The following AGO2 variants were observed in gnomAD, a reference collection of about 807,000 sequenced individuals.
AGO2 encodes the protein protein argonaute-2.
In AGO2, 5 loss-of-function variants were observed where a neutral mutation model predicts 102.3. That is an observed-to-expected ratio of 0.05 (90% CI 0.03 to 0.10). The LOEUF (loss-of-function observed/expected upper bound fraction) is 0.10. AGO2 is among the 10% of genes least tolerant of loss of function. AGO2 has a pLI of 1.00. For synonymous variants in AGO2, 449 were observed against 473.1 expected, an observed-to-expected ratio of 0.95 and a Z score of 0.66; for missense variants, 541 against 1,183.7, an observed-to-expected ratio of 0.46 and a Z score of 7.97.
chr8:140,576,220 G>A (rs1414572160), intron 2 of AGO2, among the ~76,000 whole-genome samples: 4 of 152,078 alleles, frequency 2.6e-5, no homozygotes, highest in South Asian at 2.1e-4. Context: ...AGACTGAGGC[G>A]GGAGAATCGT....
chr8:140,551,564 T>C (rs2072995947), intron 10 of AGO2, 128 bp from the exon 11 acceptor site: 2 of 1,075,600 alleles, frequency 1.9e-6, no homozygotes, highest in Non-Finnish European at 2.4e-6. Context: ...ACTTTTGTGT[T>C]GTCTCCTGTC....
At chr8:140,542,238 G>C (rs949600914) in intron 14 of AGO2, among the ~76,000 whole-genome samples, 1 of 152,164 alleles carries the variant, frequency 6.6e-6, no homozygotes, top group Non-Finnish European at 1.5e-5. Context: ...TCTGGCTGCG[G>C]AAGGAAAGGT....
At chr8:140,578,987 C>T (rs1369618431) in intron 2 of AGO2, among the ~76,000 whole-genome samples, 1 of 152,226 alleles carries the variant, frequency 6.6e-6, no homozygotes, top group Non-Finnish European at 1.5e-5. Context: ...TTAATACATT[C>T]TCACCAAAAG....
intron 1 of AGO2, among the ~76,000 whole-genome samples, chr8:140,597,932 C>T (rs1261935846): frequency 6.6e-6 from 1 of 152,248 alleles, no homozygotes; most frequent in Non-Finnish European, 1.5e-5. Flanking sequence ...ATGACCCTGC[C>T]CACCAGGGGC....
chr8:140,613,057 A>G (rs2074100576), intron 1 of AGO2, among the ~76,000 whole-genome samples: 2 of 151,778 alleles, frequency 1.3e-5, no homozygotes, highest in South Asian at 4.2e-4. Flanking sequence ...ATAATTAGCC[A>G]GGTGTGGTGG....
At position 140,547,473 on chromosome 8, in the gene AGO2, C is replaced by T; in HGVS notation, c.1743G>A (p.Gln581=). The T allele has an allele frequency of 6.2e-7, 1 of 1,613,842 alleles. No individual in the cohort carries two copies. The highest frequency in any genetic ancestry group is 8.5e-7 in the Non-Finnish European group (1 of 1,179,806). The change falls in exon 13 of 19, where the codon CAG becomes CAA. Residue 581 remains glutamine (Q), a synonymous_variant. Coordinates refer to ENST00000220592, the MANE Select transcript of AGO2 (RefSeq NM_012154.5). ...LGGVNNILLP[Q]GRPPVFQQPV... ...GTAAAGGGGCCGGGCCTCACCTGCC[C>T]TGGGGCAGCAGGATGTTGTTCACGC...
At chr8:140,599,903 G>A (rs368945184) in intron 1 of AGO2, among the ~76,000 whole-genome samples, 21 of 152,128 alleles carry the variant, frequency 1.4e-4, no homozygotes, top group African/African-American at 3.6e-4. Flanking sequence ...TGTATTTTTC[G>A]CAGAGATGGG....
At chr8:140,532,775 T>C in intron 17 of AGO2, 160 bp from the exon 18 acceptor site, 2 of 722,996 alleles carry the variant, frequency 2.8e-6, no homozygotes, top group East Asian at 2.8e-5. Context: ...GGCGGGCAGA[T>C]CACGCGGTCA....
intron 11 of AGO2, among the ~76,000 whole-genome samples, chr8:140,550,225 G>A (rs2132908064): frequency 6.6e-6 from 1 of 152,378 alleles, no homozygotes; most frequent in South Asian, 2.1e-4. Context: ...CGTCAGCTCT[G>A]AGGGCCATGC....
At chr8:140,537,971 A>AC (rs1392652531) in intron 16 of AGO2, among the ~76,000 whole-genome samples, 2 of 152,018 alleles carry the variant, frequency 1.3e-5, no homozygotes, top group Non-Finnish European at 2.9e-5. Flanking sequence ...GGCGCCCGCC[A>AC]CCACGCCTGG....
At chr8:140,609,978 G>C (rs1488549177) in intron 1 of AGO2, among the ~76,000 whole-genome samples, 1 of 147,926 alleles carries the variant, frequency 6.8e-6, no homozygotes, top group African/African-American at 2.5e-5. Flanking sequence ...ATGATGGTTT[G>C]AGCCTGGGAA....
In AGO2 at chr8:140,520,170, CTTTTA is replaced by C. The variant is rs907354790; in HGVS notation, c.*11869_*11873del. ...GAAGAGGCAGCTGTAAATAGGAGGA[CTTTTA>C]TTTAATTTTTTGCTGACATACTATG... On this transcript the variant is annotated 3_prime_UTR_variant, in exon 19 of 19. Coordinates refer to ENST00000220592, the MANE Select transcript of AGO2 (RefSeq NM_012154.5). The C allele has an allele frequency of 2.0e-5, 3 of 152,128 alleles. No homozygotes were observed. The highest frequency in any genetic ancestry group is 4.8e-5 in the African/African-American group (2 of 41,432). The allele number at this position is 152,128 out of a possible 1,614,324, so 9.4% of individuals were successfully genotyped here. A position where few individuals can be genotyped will look rare whatever the true frequency, so the allele number is the denominator to read the frequency against.
chr8:140,568,879 C>G (rs1219094132), intron 3 of AGO2, among the ~76,000 whole-genome samples: 6 of 152,212 alleles, frequency 3.9e-5, no homozygotes. Context: ...TGGGTCAAAG[C>G]ACCTGGCTCA....
chr8:140,538,295 C>T (rs756889664), intron 16 of AGO2, among the ~76,000 whole-genome samples: 10 of 152,326 alleles, frequency 6.6e-5, no homozygotes, highest in Non-Finnish European at 1.2e-4. Context: ...GATGATAACC[C>T]TCTGCCTTCC....
rs906907144 is a variant in AGO2, at chr8:140,567,748, G to A, written c.336+5064C>T. On this transcript the variant is annotated intron_variant, in intron 3 of 18. Transcript: ENST00000220592. The surrounding 1 kb of genome is among the most constrained non-coding windows in gnomAD (Gnocchi z 5.0). ...TGGCCTCCCTGTCCGGAAATCCTCA[G>A]GGCGAGAGAAGTAGGACTGTCATGG... Among the ~76,000 whole-genome samples the A allele has an allele frequency of 5.3e-5, 8 of 152,188 alleles. No homozygotes were observed. The highest frequency in any genetic ancestry group is 1.7e-4 in the African/African-American group (7 of 41,454).
chr8:140,613,084 C>A (rs1481478470), intron 1 of AGO2, among the ~76,000 whole-genome samples: 1 of 152,056 alleles, frequency 6.6e-6, no homozygotes, highest in African/African-American at 2.4e-5. Flanking sequence ...CCCGTAGTCC[C>A]AGCTACTCGG....
chr8:140,576,933 C>T (rs561864093), intron 2 of AGO2, among the ~76,000 whole-genome samples: 1 of 152,228 alleles, frequency 6.6e-6, no homozygotes, highest in African/African-American at 2.4e-5. Context: ...GCGGGCCAGG[C>T]GCGATGGCTC....
At chr8:140,591,298 G>A (rs888338244) in intron 1 of AGO2, among the ~76,000 whole-genome samples, 1 of 152,240 alleles carries the variant, frequency 6.6e-6, no homozygotes, top group Non-Finnish European at 1.5e-5. Flanking sequence ...GGGAGGCAAC[G>A]TGAGCAGGGG....
intron 17 of AGO2, among the ~76,000 whole-genome samples, chr8:140,534,485 C>A (rs894632543): frequency 6.6e-6 from 1 of 152,226 alleles, no homozygotes; most frequent in Non-Finnish European, 1.5e-5. Flanking sequence ...TGCCACAAAC[C>A]CTGCACGCAC....
Sources: allele counts gnomAD v4.1 joint callset (sites outside exome capture counted in the v4.1 genomes callset), GRCh38; gene constraint gnomAD v4.1.1; non-coding constraint Gnocchi (gnomAD v3.1); transcripts MANE v1.5; gene names NCBI Gene and HGNC (gene_info 2026-07-23, HGNC 2026-07-21).